The following ZNF346 variants were observed in gnomAD, a reference collection of about 807,000 sequenced individuals.
The protein encoded by ZNF346 is zinc finger protein 346, also known as double-stranded RNA-binding zinc finger protein JAZ.
Under a neutral mutation model 33.7 loss-of-function variants are expected in ZNF346, and 23 were observed. The ratio of observed to expected loss-of-function variants is 0.68; its 90% CI spans 0.49 to 0.97. ZNF346 has a LOEUF of 0.97. Among genes scored for constraint, ZNF346 ranks in the 50% least tolerant of loss-of-function variants. The pLI is 0.00. For synonymous variants in ZNF346, 134 were observed against 142.4 expected, an observed-to-expected ratio of 0.94 and a Z score of 0.42; for missense variants, 340 against 371.1, an observed-to-expected ratio of 0.92 and a Z score of 0.69.
In ZNF346 at chr5:177,053,911, G is replaced by A. The variant is rs139499129; in HGVS notation, c.703+2975G>A. Among the ~76,000 whole-genome samples, 5 of 152,194 alleles carry A rather than the reference G, an allele frequency of 3.3e-5. No homozygotes were observed. In the East Asian group the frequency reaches 9.6e-4, roughly 29 times the overall value. On this transcript the variant is annotated intron_variant, in intron 5 of 6. Coordinates refer to ENST00000358149, the MANE Select transcript of ZNF346 (RefSeq NM_012279.4). ...CTATATACGGTGTTTTTCTCTCTGA[G>A]AACCAACATGGCTAAGGCACTAATG... is the stretch of plus-strand genomic sequence containing the variant.
At position 177,062,131 on chromosome 5, in the gene ZNF346, C is replaced by T. The variant is rs750464151; in HGVS notation, c.777C>T (p.Ser259=). The change falls in exon 6 of 7, where the codon AGC becomes AGT. Residue 259 remains serine (S), a synonymous_variant. Coordinates refer to ENST00000358149, the MANE Select transcript of ZNF346 (RefSeq NM_012279.4). The part of the protein sequence containing the change: ...NSIEQYQAHV[S]GFKHKNQSPK... ...TAGAACAGTACCAAGCTCATGTCAG[C>T]GGCTTCAAACACAAGAACCAGTAAG... The T allele has an allele frequency of 6.8e-6, 11 of 1,613,752 alleles. No homozygotes were observed. Among genetic ancestry groups the T allele is most frequent in the East Asian group, 2.2e-5 (1 of 44,876 alleles).
rs954575118 is a variant in ZNF346, at chr5:177,023,270, C to T, written c.175+357C>T. On this transcript the variant is annotated intron_variant, in intron 1 of 6. Coordinates refer to ENST00000358149, the MANE Select transcript of ZNF346 (RefSeq NM_012279.4). The stretch of plus-strand genomic sequence containing the variant: ...CCGAGTGCCCCTCACCACTCCTTGA[C>T]TCCCCATCGTCCCAATCTCCAGATT... 66 of 1,407,170 alleles carry T rather than the reference C, an allele frequency of 4.7e-5. No homozygotes were observed. In the Admixed American group the frequency reaches 4.7e-4, roughly 10 times the overall value. The allele number at this position is 1,407,170 out of a possible 1,614,324, so 87.2% of individuals were successfully genotyped here. A position where few individuals can be genotyped will look rare whatever the true frequency, so the allele number is the denominator to read the frequency against.
chr5:177,022,853 G>C lies in ZNF346; in HGVS notation c.115G>C (p.Glu39Gln). Residue 39 changes from glutamate (E) to glutamine (Q), a missense_variant, in exon 1 of 7, where the codon GAG becomes CAG. Transcript: ENST00000358149. ...QEPDGVRFDRERARRLWEAVS... is the reference protein window; with the variant it reads ...QEPDGVRFDRQRARRLWEAVS... ...GCCGGACGGGGTGCGCTTTGACCGCGAGAGGGCGCGCCGCCTGTGGGAAGC... is the reference window on the plus strand; with the variant it reads ...GCCGGACGGGGTGCGCTTTGACCGCCAGAGGGCGCGCCGCCTGTGGGAAGC... The C allele has an allele frequency of 6.5e-7, 1 of 1,530,926 alleles. No homozygotes were observed. Among genetic ancestry groups the C allele is most frequent in the Non-Finnish European group, 8.8e-7 (1 of 1,137,882 alleles). The allele number at this position is 1,530,926 out of a possible 1,614,324, so 94.8% of individuals were successfully genotyped here.
At chr5:177,063,585 A>G (rs922924746) in intron 6 of ZNF346, among the ~76,000 whole-genome samples, 1 of 152,024 alleles carries the variant, frequency 6.6e-6, no homozygotes, top group Non-Finnish European at 1.5e-5. Flanking sequence ...AGCCAACCAG[A>G]GCCCCTCCCT....
rs865869682 is a variant in ZNF346 at position 177,026,001 on chromosome 5, T to A, written c.175+3088T>A. ...ATCTTCCTTATTATTATTATTATTT[T>A]TTTTTTTGAGATGCAGTCTCACCCT... is the stretch of plus-strand genomic sequence containing the variant. On this transcript the variant is annotated intron_variant, in intron 1 of 6. Coordinates refer to ENST00000358149, the MANE Select transcript of ZNF346 (RefSeq NM_012279.4). 5.6e-3 allele frequency among the ~76,000 whole-genome samples: 845 copies of A among 151,930 alleles called. 9 individuals are homozygous for A. Among genetic ancestry groups the A allele is most frequent in the African/African-American group, 0.019 (770 of 41,438 alleles).
intron 5 of ZNF346, among the ~76,000 whole-genome samples, chr5:177,051,484 G>GT (rs1197111139): frequency 6.7e-6 from 1 of 148,710 alleles, no homozygotes; most frequent in Non-Finnish European, 1.5e-5. Context: ...CCTCTTTCAG[G>GT]TTTTCAAAAG....
chr5:177,054,715 T>C (rs773174447), intron 5 of ZNF346, among the ~76,000 whole-genome samples: 2 of 152,080 alleles, frequency 1.3e-5, no homozygotes, highest in African/African-American at 2.4e-5. Context: ...TTTTATTTCA[T>C]ATTTTTGGAC....
chr5:177,041,281 C>A, intron 2 of ZNF346, 52 bp downstream of exon 2: 2 of 1,423,060 alleles, frequency 1.4e-6, no homozygotes, highest in Non-Finnish European at 2.0e-6. Context: ...TGGTGCCAAA[C>A]CACTAATTCT....
Position 177,066,742 on chromosome 5 carries a change from TA to T in ZNF346, c.*2158del, listed in dbSNP as rs869038323. Among the ~76,000 whole-genome samples the T allele has an allele frequency of 5.5e-3, 724 of 132,692 alleles. 4 individuals are homozygous for T. Among genetic ancestry groups the T allele is most frequent in the Admixed American group, 0.025 (328 of 13,248 alleles). The allele number at this position is 132,692 out of a possible 152,430, so 87.1% of individuals were successfully genotyped here. Reference sequence around the variant, plus strand: ...CAGGGCAACATAACAAGACTCTATCTAAAAAAAAAAAAAAATTATAAAAATA... The same window carrying T: ...CAGGGCAACATAACAAGACTCTATCTAAAAAAAAAAAAAATTATAAAAATA... On this transcript the variant is annotated 3_prime_UTR_variant, in exon 7 of 7. Coordinates refer to ENST00000358149, the MANE Select transcript of ZNF346 (RefSeq NM_012279.4).
At chr5:177,025,304 C>T (rs1049434387) in intron 1 of ZNF346, among the ~76,000 whole-genome samples, 1 of 152,144 alleles carries the variant, frequency 6.6e-6, no homozygotes, top group African/African-American at 2.4e-5. Context: ...TTAATCCATT[C>T]ATTAGTTCTA....
intron 4 of ZNF346, among the ~76,000 whole-genome samples, chr5:177,048,825 G>T (rs899787613): frequency 7.7e-6 from 1 of 129,294 alleles, no homozygotes; most frequent in African/African-American, 3.1e-5. Context: ...CACTCTTTTC[G>T]CTCAGAGTGG....
chr5:177,036,445 T>G (rs1013490913), intron 1 of ZNF346, among the ~76,000 whole-genome samples: 1 of 152,200 alleles, frequency 6.6e-6, no homozygotes, highest in African/African-American at 2.4e-5. Context: ...CCCTTGATTT[T>G]GTATTGTTGG....
intron 4 of ZNF346, among the ~76,000 whole-genome samples, chr5:177,048,592 G>C (rs1267449762): frequency 6.6e-6 from 1 of 152,038 alleles, no homozygotes. Flanking sequence ...TTGCACTCCA[G>C]CCTGGGCAAC....
chr5:177,055,983 C>T (rs1357912757), intron 5 of ZNF346, among the ~76,000 whole-genome samples: 1 of 147,932 alleles, frequency 6.8e-6, no homozygotes, highest in Admixed American at 7.0e-5. Flanking sequence ...GGCTGAGGCA[C>T]AAGAATCACT....
chr5:177,026,488 T>C (rs956395117), intron 1 of ZNF346, among the ~76,000 whole-genome samples: 3 of 151,188 alleles, frequency 2.0e-5, no homozygotes, highest in African/African-American at 7.3e-5. Context: ...GCCTCCTGAG[T>C]AGCTGGGATT....
intron 5 of ZNF346, among the ~76,000 whole-genome samples, chr5:177,057,669 C>T (rs1370807486): frequency 1.3e-5 from 2 of 149,642 alleles, no homozygotes; most frequent in South Asian, 4.2e-4. Flanking sequence ...GCCTGGGAGG[C>T]GGAGATTGTG....
chr5:177,042,579 A>C (rs1221953099), intron 3 of ZNF346, among the ~76,000 whole-genome samples: 1 of 152,226 alleles, frequency 6.6e-6, no homozygotes, highest in African/African-American at 2.4e-5. Flanking sequence ...ATGCTCAATA[A>C]ATAAGAGTTT....
At chr5:177,028,496 T>TTTTATATATATATATATATA (rs1554142622) in intron 1 of ZNF346, among the ~76,000 whole-genome samples, 1 of 90,514 alleles carries the variant, frequency 1.1e-5, no homozygotes, top group African/African-American at 5.8e-5. Context: ...TTGTGACGTT[T>TTTTATATATATATATATATA]TATATATATA....
intron 3 of ZNF346, among the ~76,000 whole-genome samples, chr5:177,044,025 G>T (rs568770071): frequency 6.6e-6 from 1 of 152,192 alleles, no homozygotes; most frequent in Non-Finnish European, 1.5e-5. Flanking sequence ...ATACACAAAG[G>T]GACTTGACAG....
Sources: allele counts gnomAD v4.1 joint callset (sites outside exome capture counted in the v4.1 genomes callset), GRCh38; gene constraint gnomAD v4.1.1; transcripts MANE v1.5; gene names NCBI Gene and HGNC (gene_info 2026-07-23, HGNC 2026-07-21).